The following ZNF362 variants were observed in gnomAD, a reference collection of about 807,000 sequenced individuals.
ZNF362 encodes the protein zinc finger protein 362.
In ZNF362, 11 loss-of-function variants were observed where a neutral mutation model predicts 42.9. That is an observed-to-expected ratio of 0.26 (90% CI 0.16 to 0.42). The LOEUF (loss-of-function observed/expected upper bound fraction) is 0.42, where lower values mean the gene tolerates loss of function less well. Among genes scored for constraint, ZNF362 ranks in the 20% least tolerant of loss-of-function variants. ZNF362 has a pLI of 1.00. For missense variants in ZNF362, 362 were observed against 576.2 expected (o/e 0.63, Z 3.81); for synonymous variants, 255 against 257.3 (o/e 0.99, Z 0.09).
At chr1:33,165,222 C>A in the ZNF362 span, 145 of 390,322 alleles carry the variant, frequency 3.7e-4, 3 homozygotes, top group East Asian at 6.1e-3. This position sits in a 1 kb window ranked among gnomAD's most constrained non-coding sequence, Gnocchi z 4.0. Context: ...GAGAAATGGC[C>A]CCGTCCTTAA....
chr1:33,180,873 T>G, the ZNF362 span: 3 of 148,182 alleles, frequency 2.0e-5, no homozygotes, highest in Non-Finnish European at 3.8e-5. Flanking sequence ...CTGCCCCGCG[T>G]TACTCCTGAT....
the ZNF362 span, among the ~76,000 whole-genome samples, chr1:33,186,225 A>G: frequency 6.6e-6 from 1 of 152,154 alleles, no homozygotes; most frequent in Non-Finnish European, 1.5e-5. Context: ...CTCAGCTGTC[A>G]TAGTGTAAAC....
the ZNF362 span, among the ~76,000 whole-genome samples, chr1:33,149,108 C>A: frequency 6.6e-6 from 1 of 152,196 alleles, no homozygotes. Context: ...GGTCACCCAG[C>A]AGATGTGCTC....
chr1:33,169,776 G>A, the ZNF362 span, among the ~76,000 whole-genome samples: 2 of 152,324 alleles, frequency 1.3e-5, no homozygotes, highest in South Asian at 4.1e-4. Context: ...TCAAGTGCTT[G>A]CCAGCCACCT....
At chr1:33,174,996 C>T in the ZNF362 span, among the ~76,000 whole-genome samples, 441 of 46,632 alleles carry the variant, frequency 9.5e-3, 5 homozygotes, top group African/African-American at 0.038. Context: ...TATGCACACA[C>T]ACATGTATGT....
At chr1:33,191,924 T>C in the ZNF362 span, among the ~76,000 whole-genome samples, 2 of 152,220 alleles carry the variant, frequency 1.3e-5, no homozygotes, top group African/African-American at 2.4e-5. Context: ...AAGTATCATC[T>C]TGCAAGGCAT....
At chr1:33,222,298 AT>A in the ZNF362 span, among the ~76,000 whole-genome samples, 1 of 152,000 alleles carries the variant, frequency 6.6e-6, no homozygotes, top group Non-Finnish European at 1.5e-5. Flanking sequence ...CACCAACCCT[AT>A]TTCTAACCTA....
the ZNF362 span, among the ~76,000 whole-genome samples, chr1:33,175,185 T>C: frequency 2.0e-5 from 3 of 151,226 alleles, no homozygotes; most frequent in African/African-American, 7.3e-5. Context: ...ATTATAGGTG[T>C]GTGCCACGAA....
At chr1:33,241,607 T>C in the ZNF362 span, among the ~76,000 whole-genome samples, 4 of 151,844 alleles carry the variant, frequency 2.6e-5, no homozygotes, top group African/African-American at 7.3e-5. Context: ...GACTGGTGTA[T>C]AGAAATCATG....
the ZNF362 span, chr1:33,181,404 A>G: frequency 1.9e-6 from 3 of 1,602,414 alleles, no homozygotes; most frequent in Admixed American, 5.1e-5. This position sits in a 1 kb window ranked among gnomAD's most constrained non-coding sequence, Gnocchi z 6.5. Context: ...GATGGAGCAC[A>G]GCAGCTCGTC....
chr1:33,149,453 TC>T, the ZNF362 span, among the ~76,000 whole-genome samples: 1 of 138,278 alleles, frequency 7.2e-6, no homozygotes, highest in South Asian at 2.5e-4. Flanking sequence ...TGTGCTGGAT[TC>T]TTTTAAAAAA....
the ZNF362 span, among the ~76,000 whole-genome samples, chr1:33,129,817 A>T: frequency 6.6e-6 from 1 of 152,200 alleles, no homozygotes; most frequent in Non-Finnish European, 1.5e-5. The surrounding 1 kb of genome is among the most constrained non-coding windows in gnomAD (Gnocchi z 4.1). Flanking sequence ...GCAAGTCATC[A>T]GAATTTCTGA....
At chr1:33,201,372 G>T in the ZNF362 span, among the ~76,000 whole-genome samples, 3 of 152,144 alleles carry the variant, frequency 2.0e-5, no homozygotes, top group African/African-American at 7.2e-5. Flanking sequence ...CATTTACTAA[G>T]ACAGACCATA....
the ZNF362 span, among the ~76,000 whole-genome samples, chr1:33,212,496 A>G: frequency 6.6e-6 from 1 of 152,172 alleles, no homozygotes; most frequent in African/African-American, 2.4e-5. Flanking sequence ...TTTATAAAGA[A>G]AAGTGGTTTA....
chr1:33,292,690 G>A (rs564924544), intron 6 of ZNF362, among the ~76,000 whole-genome samples: 18 of 152,166 alleles, frequency 1.2e-4, no homozygotes, highest in South Asian at 4.1e-4. Flanking sequence ...CTGTGAATCC[G>A]TCTGGTCCTG....
chr1:33,206,720 G>T, the ZNF362 span, among the ~76,000 whole-genome samples: 2 of 152,108 alleles, frequency 1.3e-5, no homozygotes, highest in Non-Finnish European at 2.9e-5. Flanking sequence ...AATGTATAAA[G>T]AACTCTGAAA....
the ZNF362 span, among the ~76,000 whole-genome samples, chr1:33,226,787 C>G: frequency 6.6e-6 from 1 of 152,196 alleles, no homozygotes; most frequent in Admixed American, 6.5e-5. Context: ...ATCGCTTGAA[C>G]CCGGGAGGCA....
intron 8 of ZNF362, 27 bp from the exon 9 acceptor site, chr1:33,298,903 T>A (rs751752942): frequency 2.6e-5 from 42 of 1,597,222 alleles, no homozygotes; most frequent in Non-Finnish European, 6.9e-6. Context: ...GGTGGTTCCC[T>A]GTTCTGAATC....
At chr1:33,237,295 A>G in the ZNF362 span, among the ~76,000 whole-genome samples, 1 of 152,244 alleles carries the variant, frequency 6.6e-6, no homozygotes, top group African/African-American at 2.4e-5. Context: ...ACAGTTTAAT[A>G]GATGTCAGGT....
Sources: gnomAD v4.1 joint callset for allele counts (sites outside exome capture counted in the v4.1 genomes callset) on GRCh38, gnomAD v4.1.1 for gene constraint, Gnocchi (gnomAD v3.1) non-coding constraint, MANE v1.5 for transcripts, NCBI Gene and HGNC (gene_info 2026-07-23, HGNC 2026-07-21) for gene names.